Variants in NLGN1 observed in about 807,000 individuals in gnomAD.
NLGN1 encodes neuroligin 1.
A neutral mutation model predicts 65.5 loss-of-function variants in NLGN1; 12 were observed. That is an observed-to-expected ratio of 0.18 (90% CI 0.12 to 0.30). The LOEUF (loss-of-function observed/expected upper bound fraction) is 0.30, where lower values mean the gene tolerates loss of function less well. Ranked by LOEUF, NLGN1 falls within the 10% of genes least tolerant of loss-of-function variation. The pLI is 1.00. For missense variants in NLGN1, 750 were observed against 1,007.1 expected (o/e 0.74, Z 3.46); for synonymous variants, 350 against 359.5 (o/e 0.97, Z 0.30).
chr3:173,459,826 T>C (rs1018720502), intron 2 of NLGN1, among the ~76,000 whole-genome samples: 3 of 152,088 alleles, frequency 2.0e-5, no homozygotes, highest in African/African-American at 7.2e-5. Flanking sequence ...TAATAGCATA[T>C]TTTTGTGTAT....
At chr3:174,001,424 A>G (rs1723268052) in intron 4 of NLGN1, among the ~76,000 whole-genome samples, 1 of 152,180 alleles carries the variant, frequency 6.6e-6, no homozygotes, top group Non-Finnish European at 1.5e-5. Context: ...AATTTGGTCA[A>G]TATTAATTCA....
intron 4 of NLGN1, among the ~76,000 whole-genome samples, chr3:173,850,731 G>C (rs1163635597): frequency 6.6e-6 from 1 of 151,674 alleles, no homozygotes; most frequent in Non-Finnish European, 1.5e-5. Flanking sequence ...CTTCAATTTT[G>C]TTTTGTTGTT....
intron 2 of NLGN1, among the ~76,000 whole-genome samples, chr3:173,446,895 A>T (rs1273218905): frequency 1.3e-5 from 2 of 152,034 alleles, no homozygotes; most frequent in Non-Finnish European, 2.9e-5. Context: ...TCCTTTGCCC[A>T]CTTTTTGATG....
intron 2 of NLGN1, among the ~76,000 whole-genome samples, chr3:173,560,426 G>A (rs28449674): frequency 0.052 from 7,843 of 152,100 alleles, 647 homozygotes; most frequent in African/African-American, 0.18. Context: ...GAGGGAAAAG[G>A]CAGAAGAAAA....
chr3:173,819,707 A>G lies in NLGN1; in HGVS notation c.646+11875A>G, dbSNP rs115060526. Among the ~76,000 whole-genome samples, 228 of 152,322 alleles carry G rather than the reference A, an allele frequency of 1.5e-3. 1 individual carries two copies. Among genetic ancestry groups the G allele is most frequent in the African/African-American group, 5.3e-3 (222 of 41,568 alleles). ...AATACCAATCCTACTTGTTATGGTT[A>G]TGTATATTAACTGCTTAATATGGTA... On this transcript the variant is annotated intron_variant, in intron 4 of 6. Transcript: ENST00000457714.
intron 3 of NLGN1, among the ~76,000 whole-genome samples, chr3:173,799,097 C>T (rs1288195973): frequency 2.0e-5 from 3 of 151,952 alleles, no homozygotes; most frequent in East Asian, 1.9e-4. Flanking sequence ...GAAATCAGTA[C>T]ATGACTTTCA....
chr3:174,241,827 T>G (rs539806411), intron 4 of NLGN1, among the ~76,000 whole-genome samples: 55 of 152,034 alleles, frequency 3.6e-4, no homozygotes, highest in South Asian at 1.2e-3. Flanking sequence ...CCTGGATAAT[T>G]TTTTGTATTT....
chr3:173,865,172 G>A (rs953734080), intron 4 of NLGN1, among the ~76,000 whole-genome samples: 1 of 152,258 alleles, frequency 6.6e-6, no homozygotes, highest in East Asian at 1.9e-4. Flanking sequence ...GAGGTTTAGT[G>A]TGAAGTAAAT....
In NLGN1 at chr3:174,067,522, G is replaced by A. The variant is rs75159727; in HGVS notation, c.647-207793G>A. 6.2e-3 allele frequency among the ~76,000 whole-genome samples: 948 copies of A among 152,104 alleles called. 13 individuals are homozygous for A. The highest frequency in any genetic ancestry group is 0.043 in the East Asian group (220 of 5,176). ...AAGTCGGTGTTTTCTTTCTTCTACC[G>A]TTACTGAGTCAGATGAAGTCTTAAC... On this transcript the variant is annotated intron_variant, in intron 4 of 6. Transcript: ENST00000457714.
chr3:173,413,225 A>C (rs574962419), intron 1 of NLGN1, among the ~76,000 whole-genome samples: 339 of 152,166 alleles, frequency 2.2e-3, no homozygotes, highest in African/African-American at 7.8e-3. Context: ...TTAAGAACAC[A>C]AATTTGCCTC....
intron 2 of NLGN1, among the ~76,000 whole-genome samples, chr3:173,559,680 T>C (rs892322073): frequency 6.6e-6 from 1 of 152,208 alleles, no homozygotes; most frequent in Non-Finnish European, 1.5e-5. Flanking sequence ...TTTTAAGGCA[T>C]GTATAAATAG....
intron 4 of NLGN1, among the ~76,000 whole-genome samples, chr3:174,133,097 A>G (rs1720518801): frequency 6.6e-6 from 1 of 152,178 alleles, no homozygotes; most frequent in Non-Finnish European, 1.5e-5. Flanking sequence ...TTCTATGTCC[A>G]TTTAGCCTCA....
intron 4 of NLGN1, among the ~76,000 whole-genome samples, chr3:173,988,555 C>A (rs981845741): frequency 2.0e-5 from 3 of 152,062 alleles, no homozygotes; most frequent in African/African-American, 7.2e-5. Context: ...GGTGGCAAGG[C>A]CCTACCTTTT....
intron 4 of NLGN1, among the ~76,000 whole-genome samples, chr3:173,884,333 T>C (rs1733923498): frequency 6.6e-6 from 1 of 152,200 alleles, no homozygotes; most frequent in African/African-American, 2.4e-5. Context: ...TTTCTAGGCA[T>C]GCGCAAACAT....
At chr3:173,604,689 C>T (rs764894337) in exon 3 of NLGN1, 35 of 1,613,606 alleles carry the variant, frequency 2.2e-5, no homozygotes, top group South Asian at 2.0e-4. Flanking sequence ...CCCATTGACT[C>T]TCTGTATGTT....
At chr3:173,758,399 A>C (rs1777455162) in intron 3 of NLGN1, among the ~76,000 whole-genome samples, 2 of 152,064 alleles carry the variant, frequency 1.3e-5, no homozygotes, top group South Asian at 4.1e-4. Flanking sequence ...ATTTTTTAAA[A>C]ATTTTCTTGA....
chr3:173,966,444 A>G (rs987143353), intron 4 of NLGN1, among the ~76,000 whole-genome samples: 2 of 152,258 alleles, frequency 1.3e-5, no homozygotes, highest in Non-Finnish European at 2.9e-5. Flanking sequence ...AACAAAGGAC[A>G]TAAAGATAAT....
At chr3:173,471,469 T>C (rs554218266) in intron 2 of NLGN1, among the ~76,000 whole-genome samples, 2 of 152,218 alleles carry the variant, frequency 1.3e-5, no homozygotes, top group South Asian at 4.2e-4. Context: ...GCGTTCTATC[T>C]GTGTATGTAG....
exon 3 of NLGN1, chr3:173,604,575 C>A (rs760865387): frequency 1.1e-5 from 18 of 1,609,824 alleles, no homozygotes; most frequent in Admixed American, 1.7e-5. Flanking sequence ...TGTAACCAGA[C>A]AACTAGACAA....
Sources: gnomAD v4.1 joint callset for allele counts (sites outside exome capture counted in the v4.1 genomes callset) on GRCh38, gnomAD v4.1.1 for gene constraint, MANE v1.5 for transcripts, NCBI Gene and HGNC (gene_info 2026-07-23, HGNC 2026-07-21) for gene names.